The following PNPLA1 variants were observed in gnomAD, a reference collection of about 807,000 sequenced individuals.
PNPLA1 encodes the protein patatin like domain 1, omega-hydroxyceramide transacylase.
In PNPLA1, 36 loss-of-function variants were observed where a neutral mutation model predicts 51.7. The observed-to-expected ratio is 0.70, with a 90% CI of 0.53 to 0.92. The LOEUF (loss-of-function observed/expected upper bound fraction) is 0.92. Ranked by LOEUF, PNPLA1 falls within the 40% of genes least tolerant of loss-of-function variation. The probability of loss-of-function intolerance (pLI) is 0.00; values close to 1 mark genes in which losing one functional copy is unlikely to be tolerated. For synonymous variants in PNPLA1, 293 were observed against 280.1 expected, an observed-to-expected ratio of 1.05 and a Z score of -0.46; for missense variants, 658 against 682.5, an observed-to-expected ratio of 0.96 and a Z score of 0.40.
rs746320168 is a variant in PNPLA1, at chr6:36,294,322, A to G, written c.637A>G (p.Met213Val). 3 of 1,614,204 alleles carry G rather than the reference A, an allele frequency of 1.9e-6. No individual in the cohort carries two copies. Among genetic ancestry groups the G allele is most frequent in the Non-Finnish European group, 2.5e-6 (3 of 1,180,032 alleles). Residue 213 changes from methionine (M) to valine (V), a missense_variant, in exon 4 of 9, where the codon ATG becomes GTG. Transcript: ENST00000636260. The surrounding 1 kb of genome is among the most constrained non-coding windows in gnomAD (Gnocchi z 4.2). ...DCPAIFHDFR[M>V]FNCSFQFSLE... ...CCCGGCCATCTTCCACGACTTCCGC[A>G]TGTTCAACTGCTCCTTCCAGTTCTC... is the stretch of plus-strand genomic sequence containing the variant.
intron 1 of PNPLA1, among the ~76,000 whole-genome samples, chr6:36,285,818 G>T (rs1770470106): frequency 6.6e-6 from 1 of 152,124 alleles, no homozygotes. Flanking sequence ...CCCCTTTGAT[G>T]ATTTTTCTAG....
intron 1 of PNPLA1, among the ~76,000 whole-genome samples, chr6:36,248,861 G>A (rs1339768652): frequency 6.6e-6 from 1 of 152,158 alleles, no homozygotes; most frequent in Non-Finnish European, 1.5e-5. Context: ...AAAAGATTGA[G>A]TCCTATTGAG....
At chr6:36,297,622 C>T (rs1186499077) in intron 5 of PNPLA1, among the ~76,000 whole-genome samples, 5 of 152,256 alleles carry the variant, frequency 3.3e-5, no homozygotes, top group Non-Finnish European at 5.9e-5. Flanking sequence ...TCTGTCTACA[C>T]TCGGCCCATC....
At chr6:36,311,611 C>G (rs776528941) in intron 8 of PNPLA1, among the ~76,000 whole-genome samples, 152 bp from the exon 9 acceptor site, 1 of 152,202 alleles carries the variant, frequency 6.6e-6, no homozygotes, top group Non-Finnish European at 1.5e-5. Context: ...TCTCTGGGCT[C>G]GGCAAGTGTC....
At chr6:36,291,901 C>T (rs375654366) in intron 2 of PNPLA1, among the ~76,000 whole-genome samples, 1 of 152,200 alleles carries the variant, frequency 6.6e-6, no homozygotes, top group Non-Finnish European at 1.5e-5. Flanking sequence ...TGCATCCCCC[C>T]AGAATTACTC....
At chr6:36,262,445 C>T (rs1025953484) in intron 1 of PNPLA1, among the ~76,000 whole-genome samples, 1 of 152,178 alleles carries the variant, frequency 6.6e-6, no homozygotes, top group African/African-American at 2.4e-5. Context: ...CAGAATATTC[C>T]AAATGCCAAA....
chr6:36,245,878 C>A (rs1561843898), intron 1 of PNPLA1, among the ~76,000 whole-genome samples: 1 of 152,190 alleles, frequency 6.6e-6, no homozygotes, highest in Non-Finnish European at 1.5e-5. Context: ...CCCCGCCCCC[C>A]GCCACACTGC....
At position 36,294,084 on chromosome 6, in the gene PNPLA1, A is replaced by T; in HGVS notation, c.505-106A>T. 1 of 1,318,658 alleles carries T rather than the reference A, an allele frequency of 7.6e-7. No individual in the cohort carries two copies. The highest frequency in any genetic ancestry group is 1.0e-6 in the Non-Finnish European group (1 of 952,488). 81.7% of individuals were successfully genotyped at this position (1,318,658 alleles called of 1,614,324 possible). On this transcript the variant is annotated intron_variant, in intron 3 of 8. Transcript: ENST00000636260. The surrounding 1 kb of genome is among the most constrained non-coding windows in gnomAD (Gnocchi z 4.2). Reference sequence around the variant, plus strand: ...TGAGGGGTCTTCTGGATCTTCCTTGATGGGCCCTTGAAGCTGGTGCCATAT... The same window carrying T: ...TGAGGGGTCTTCTGGATCTTCCTTGTTGGGCCCTTGAAGCTGGTGCCATAT...
chr6:36,254,557 G>A (rs924337099), intron 1 of PNPLA1, among the ~76,000 whole-genome samples: 1 of 151,576 alleles, frequency 6.6e-6, no homozygotes, highest in Admixed American at 6.6e-5. Flanking sequence ...CATAGGCGAC[G>A]GAGGAAAACC....
intron 1 of PNPLA1, among the ~76,000 whole-genome samples, chr6:36,264,000 GGCTCTGGGCTGT>G (rs1769709089): frequency 6.6e-6 from 1 of 152,198 alleles, no homozygotes; most frequent in Non-Finnish European, 1.5e-5. Context: ...ACACCGTAAA[GGCTCTGGGCTGT>G]GCTCTCCTTT....
intron 1 of PNPLA1, among the ~76,000 whole-genome samples, chr6:36,280,832 T>C (rs1453295484): frequency 6.6e-6 from 1 of 152,178 alleles, no homozygotes; most frequent in Non-Finnish European, 1.5e-5. Context: ...CTCTGTCACC[T>C]AGGCTGGAGT....
intron 8 of PNPLA1, among the ~76,000 whole-genome samples, chr6:36,309,191 G>A (rs375165916): frequency 2.0e-5 from 3 of 152,090 alleles, no homozygotes; most frequent in East Asian, 3.9e-4. Context: ...GTATGGTAGC[G>A]GAGATTCTGA....
At chr6:36,277,209 G>A (rs1023663093) in intron 1 of PNPLA1, among the ~76,000 whole-genome samples, 3 of 152,200 alleles carry the variant, frequency 2.0e-5, no homozygotes, top group East Asian at 1.9e-4. Flanking sequence ...GAAAGGCGTT[G>A]CCTTTCCTGT....
In PNPLA1 at chr6:36,313,104, G is replaced by T. The variant is rs527757878; in HGVS notation, c.*1218G>T. The stretch of plus-strand genomic sequence containing the variant: ...GCATTGAGATCTTTAGAGCTCCCCC[G>T]GGATTATGTGGTGCTGTGGTGTTGA... On this transcript the variant is annotated 3_prime_UTR_variant, in exon 9 of 9. Coordinates refer to ENST00000636260, the MANE Select transcript of PNPLA1 (RefSeq NM_001374623.1). 6.6e-6 allele frequency among the ~76,000 whole-genome samples: 1 copy of T among 152,172 alleles called. No individual in the cohort carries two copies. The highest frequency in any genetic ancestry group is 1.5e-5 in the Non-Finnish European group (1 of 68,038).
chr6:36,267,294 A>G (rs1435985899), upstream of PNPLA1, among the ~76,000 whole-genome samples: 1 of 152,218 alleles, frequency 6.6e-6, no homozygotes, highest in Non-Finnish European at 1.5e-5. Flanking sequence ...TCAAGAGTTT[A>G]GCACCCAGCA....
chr6:36,278,290 A>G (rs965774502), intron 1 of PNPLA1, among the ~76,000 whole-genome samples: 3 of 151,366 alleles, frequency 2.0e-5, no homozygotes, highest in Admixed American at 6.6e-5. Flanking sequence ...TCCTTGATAA[A>G]CTCCTGGTGT....
In PNPLA1 at chr6:36,300,637, C is replaced by A. The variant is rs139109125; in HGVS notation, c.776-1224C>A. Among the ~76,000 whole-genome samples, 463 of 152,274 alleles carry A rather than the reference C, an allele frequency of 3.0e-3. 2 individuals carry two copies. Among genetic ancestry groups the A allele is most frequent in the African/African-American group, 0.011 (437 of 41,558 alleles). ...GTAAGGTGCTATTCACATCACGTTA[C>A]CTCATGGGCACGTGCTGCCAACATG... On this transcript the variant is annotated intron_variant, in intron 5 of 8. Transcript: ENST00000636260.
intron 1 of PNPLA1, among the ~76,000 whole-genome samples, chr6:36,282,508 G>A (rs1166515515): frequency 6.6e-6 from 1 of 152,134 alleles, no homozygotes; most frequent in East Asian, 1.9e-4. Flanking sequence ...GGAAGATCTG[G>A]TAAAGCTTTG....
chr6:36,273,676 T>C (rs1326305729), intron 1 of PNPLA1, among the ~76,000 whole-genome samples: 2 of 123,972 alleles, frequency 1.6e-5, no homozygotes, highest in African/African-American at 6.4e-5. Context: ...GAAGATTGTG[T>C]GTGGGTCCAG....
Sources: allele counts gnomAD v4.1 joint callset (sites outside exome capture counted in the v4.1 genomes callset), GRCh38; gene constraint gnomAD v4.1.1; non-coding constraint Gnocchi (gnomAD v3.1); transcripts MANE v1.5; gene names NCBI Gene and HGNC (gene_info 2026-07-23, HGNC 2026-07-21).